FBLIM1: variants seen among roughly 807,000 people sequenced by gnomAD.
FBLIM1 encodes the protein filamin-binding LIM protein 1.
FBLIM1 carries 29 observed loss-of-function variants against 37.4 expected under a neutral mutation model. That is an observed-to-expected ratio of 0.77 (90% CI 0.58 to 1.06). FBLIM1 has a LOEUF of 1.06. Among genes scored for constraint, FBLIM1 ranks in the 50% least tolerant of loss-of-function variants. The pLI, the probability that FBLIM1 is intolerant of heterozygous loss-of-function variation, is 0.00. For missense variants in FBLIM1, 449 were observed against 505.6 expected (o/e 0.89, Z 1.07); for synonymous variants, 193 against 199.0 (o/e 0.97, Z 0.25).
At chr1:15,783,575 T>TC (rs2069698911) in intron 8 of FBLIM1, among the ~76,000 whole-genome samples, 1 of 140,864 alleles carries the variant, frequency 7.1e-6, no homozygotes, top group Non-Finnish European at 1.5e-5. Flanking sequence ...CGTTCTTTTT[T>TC]TTTTTTTTTT....
chr1:15,771,804 G>C (rs1024706440), intron 6 of FBLIM1, among the ~76,000 whole-genome samples: 1 of 151,630 alleles, frequency 6.6e-6, no homozygotes, highest in Non-Finnish European at 1.5e-5. Context: ...ATCTTTGGGG[G>C]CATCTCTTAG....
intron 1 of FBLIM1, among the ~76,000 whole-genome samples, chr1:15,760,870 G>A (rs2148452777): frequency 6.6e-6 from 1 of 152,270 alleles, no homozygotes; most frequent in East Asian, 1.9e-4. Context: ...TGGCCCCAGG[G>A]AACTTACACA....
At chr1:15,775,107 C>T (rs1243368490) in intron 7 of FBLIM1, 13 of 483,198 alleles carry the variant, frequency 2.7e-5, no homozygotes, top group Non-Finnish European at 4.8e-5. Context: ...GTAGTCCCAG[C>T]TACTCGGGAG....
chr1:15,784,706 C>A lies in FBLIM1; in HGVS notation c.*45C>A. On this transcript the variant is annotated 3_prime_UTR_variant, in exon 9 of 9. Transcript: ENST00000375766. Reference sequence around the variant, plus strand: ...AACAGACCACTAGCCCCGGCTGGGGCCCTTCCCTGACTTGGTTTCCCTTCC... The same window carrying A: ...AACAGACCACTAGCCCCGGCTGGGGACCTTCCCTGACTTGGTTTCCCTTCC... 1 of 1,559,096 alleles carries A rather than the reference C, an allele frequency of 6.4e-7. No individual in the cohort carries two copies. The highest frequency in any genetic ancestry group is 8.8e-7 in the Non-Finnish European group (1 of 1,134,284).
At chr1:15,774,455 T>C (rs1327723494) in intron 6 of FBLIM1, among the ~76,000 whole-genome samples, 163 bp from the exon 7 acceptor site, 1 of 152,236 alleles carries the variant, frequency 6.6e-6, no homozygotes, top group Non-Finnish European at 1.5e-5. Flanking sequence ...CAATTTGTTA[T>C]AAGCAATGGT....
At chr1:15,757,508 A>G (rs887141099), upstream of FBLIM1, among the ~76,000 whole-genome samples, 1 of 152,104 alleles carries the variant, frequency 6.6e-6, no homozygotes, top group Non-Finnish European at 1.5e-5. This position sits in a 1 kb window ranked among gnomAD's most constrained non-coding sequence, Gnocchi z 4.1. Context: ...GAGAGGATCA[A>G]ATGGGAAAAG....
Position 15,758,972 on chromosome 1 carries a change from G to A in FBLIM1, c.-211+124G>A, listed in dbSNP as rs1349631980. 6.6e-6 allele frequency: 1 copy of A among 152,180 alleles called. No homozygotes were observed. Among genetic ancestry groups the A allele is most frequent in the Admixed American group, 6.5e-5 (1 of 15,274 alleles). The allele number at this position is 152,180 out of a possible 1,614,324, so 9.4% of individuals were successfully genotyped here. A position where few individuals can be genotyped will look rare whatever the true frequency, so the allele number is the denominator to read the frequency against. ...CGCCAGCCGGGACCCCCGGCGCGGC[G>A]CCCCTGGAGGGGCCTGCGGGTGGGG... is the stretch of plus-strand genomic sequence containing the variant. On this transcript the variant is annotated intron_variant, in intron 1 of 8. Coordinates refer to ENST00000375766, the MANE Select transcript of FBLIM1 (RefSeq NM_017556.4). This position sits in a 1 kb window ranked among gnomAD's most constrained non-coding sequence, Gnocchi z 6.2.
In FBLIM1 at chr1:15,784,652, G is replaced by A. The variant is rs555681786; in HGVS notation, c.1113G>A (p.Gly371=). Residue 371 remains glycine (G), a synonymous_variant, in exon 9 of 9, where the codon GGG becomes GGA. Coordinates refer to ENST00000375766, the MANE Select transcript of FBLIM1 (RefSeq NM_017556.4). ...GCCATGTGAAGCGGAGTGCTGCGGG[G>A]TGCTGCTGAGAGTGCCCGCTGGGCA... ...KPCHVKRSAA[G]CC is the part of the protein sequence containing the mutation. 5.3e-5 allele frequency: 85 copies of A among 1,613,936 alleles called. 1 individual carries two copies. In the South Asian group the frequency reaches 8.7e-4, roughly 16 times the overall value.
chr1:15,767,327 A>G, intron 3 of FBLIM1, 49 bp from the exon 4 acceptor site: 1 of 1,490,900 alleles, frequency 6.7e-7, no homozygotes, highest in Non-Finnish European at 8.9e-7. Context: ...AAACCCTCCC[A>G]GGTCCACCTG....
At chr1:15,783,599 GGAGT>G (rs1267928730) in intron 8 of FBLIM1, among the ~76,000 whole-genome samples, 1 of 111,052 alleles carries the variant, frequency 9.0e-6, no homozygotes, top group African/African-American at 3.4e-5. Context: ...TTTTTGAGAT[GGAGT>G]CTCGCTCTGT....
intron 5 of FBLIM1, among the ~76,000 whole-genome samples, chr1:15,769,492 T>A (rs908856383): frequency 2.0e-5 from 3 of 151,528 alleles, no homozygotes; most frequent in South Asian, 2.1e-4. Flanking sequence ...AATAAAAAAA[T>A]AAAATAAAAT....
chr1:15,784,349 G>A (rs1189378341), intron 8 of FBLIM1, among the ~76,000 whole-genome samples, 199 bp from the exon 9 acceptor site: 2 of 152,172 alleles, frequency 1.3e-5, no homozygotes, highest in African/African-American at 4.8e-5. Context: ...AAGCCTCCAT[G>A]TGTGTCTGTG....
chr1:15,770,806 T>C (rs1389740464), intron 6 of FBLIM1, among the ~76,000 whole-genome samples: 1 of 152,234 alleles, frequency 6.6e-6, no homozygotes, highest in Non-Finnish European at 1.5e-5. Context: ...TACACGTTTA[T>C]TCTGTCCCAG....
chr1:15,782,806 G>C (rs1381503347), intron 8 of FBLIM1, among the ~76,000 whole-genome samples: 1 of 116,918 alleles, frequency 8.6e-6, no homozygotes, highest in Non-Finnish European at 1.7e-5. Flanking sequence ...TCCCTATAGG[G>C]ACTCTTTTTT....
Position 15,777,001 on chromosome 1 carries a change from G to A in FBLIM1, c.891-169G>A, listed in dbSNP as rs550533922. ...TGGGAAACCAGGTCTCATTACACAG[G>A]TCTCTCCACCTGCTCCTGCCAAGAA... On this transcript the variant is annotated intron_variant, in intron 7 of 8. Coordinates refer to ENST00000375766, the MANE Select transcript of FBLIM1 (RefSeq NM_017556.4). 6.6e-5 allele frequency: 42 copies of A among 631,934 alleles called. 1 individual carries two copies. The South Asian group carries it at 8.3e-4, about 13-fold the overall frequency. The allele number at this position is 631,934 out of a possible 1,614,324, so 39.1% of individuals were successfully genotyped here. A position where few individuals can be genotyped will look rare whatever the true frequency, so the allele number is the denominator to read the frequency against.
At chr1:15,760,094 C>T (rs2068596309) in intron 1 of FBLIM1, among the ~76,000 whole-genome samples, 1 of 150,664 alleles carries the variant, frequency 6.6e-6, no homozygotes. Context: ...TGTGGTGGCG[C>T]GCGCCTGTAA....
intron 8 of FBLIM1, among the ~76,000 whole-genome samples, chr1:15,783,765 G>A (rs1439876052): frequency 6.6e-6 from 1 of 151,748 alleles, no homozygotes; most frequent in East Asian, 1.9e-4. Context: ...TGTATTTTTA[G>A]TAGAGATGGG....
chr1:15,772,942 G>A (rs970478896), intron 6 of FBLIM1, among the ~76,000 whole-genome samples: 6 of 151,686 alleles, frequency 4.0e-5, no homozygotes, highest in Admixed American at 1.3e-4. Flanking sequence ...CCACCACCAC[G>A]CCCGGCTATT....
At chr1:15,759,267 C>T (rs940984999) in intron 1 of FBLIM1, among the ~76,000 whole-genome samples, 7 of 152,330 alleles carry the variant, frequency 4.6e-5, no homozygotes, top group African/African-American at 1.7e-4. Flanking sequence ...CCCGCGTTTC[C>T]GGAGCCCGGG....
Sources: gnomAD v4.1 joint callset for allele counts (sites outside exome capture counted in the v4.1 genomes callset) on GRCh38, gnomAD v4.1.1 for gene constraint, Gnocchi (gnomAD v3.1) non-coding constraint, MANE v1.5 for transcripts, NCBI Gene and HGNC (gene_info 2026-07-23, HGNC 2026-07-21) for gene names.